The following DNAH11 variants were observed in gnomAD, a reference collection of about 807,000 sequenced individuals.
The protein encoded by DNAH11 is axonemal beta dynein heavy chain 11.
DNAH11 carries 442 observed loss-of-function variants against 526.0 expected under a neutral mutation model. The observed-to-expected ratio is 0.84, with a 90% CI of 0.78 to 0.91. The LOEUF is 0.91. Ranked by LOEUF, DNAH11 falls within the 40% of genes least tolerant of loss-of-function variation. DNAH11 has a pLI of 0.00. For synonymous variants in DNAH11, 2,461 were observed against 1,935.9 expected (o/e 1.27, Z -7.12); for missense variants, 6,989 against 5,448.7 (o/e 1.28, Z -8.90).
At chr7:21,855,830 A>G (rs755205725) in intron 68 of DNAH11, among the ~76,000 whole-genome samples, 15 of 152,202 alleles carry the variant, frequency 9.9e-5, no homozygotes, top group Non-Finnish European at 1.9e-4. Flanking sequence ...ACATATAGAT[A>G]TATATGTACA....
chr7:21,779,189 C>T lies in DNAH11; in HGVS notation c.9483+85C>T, dbSNP rs530388528. ...TAGGTGAACAATTTTGAACAACTTC[C>T]TCTCCAGGGAGCATAAAGTCTAAAG... is the stretch of plus-strand genomic sequence containing the variant. On this transcript the variant is annotated intron_variant, in intron 57 of 81. Coordinates refer to ENST00000409508, the MANE Select transcript of DNAH11 (RefSeq NM_001277115.2). 4.4e-4 allele frequency: 647 copies of T among 1,469,082 alleles called. 7 individuals carry two copies. The South Asian group carries it at 8.7e-3, about 20-fold the overall frequency. The allele number at this position is 1,469,082 out of a possible 1,614,324, so 91.0% of individuals were successfully genotyped here. A position where few individuals can be genotyped will look rare whatever the true frequency, so the allele number is the denominator to read the frequency against.
intron 76 of DNAH11, 124 bp downstream of exon 76, chr7:21,884,534 G>A: frequency 9.1e-7 from 1 of 1,099,152 alleles, no homozygotes; most frequent in Non-Finnish European, 1.2e-6. Context: ...GGCCTTTTGG[G>A]AAATTTCTTA....
At chr7:21,645,348 A>T (rs994597216) in intron 28 of DNAH11, among the ~76,000 whole-genome samples, 15 of 152,206 alleles carry the variant, frequency 9.9e-5, no homozygotes, top group Admixed American at 1.3e-4. Context: ...GAAAAGCTGG[A>T]TAAAATATTT....
intron 29 of DNAH11, among the ~76,000 whole-genome samples, chr7:21,657,478 G>A (rs1782063922): frequency 6.6e-6 from 1 of 152,140 alleles, no homozygotes; most frequent in African/African-American, 2.4e-5. Flanking sequence ...TGCCATTGTT[G>A]GCACAGTCAT....
chr7:21,698,752 T>C (rs1305771268), intron 36 of DNAH11, among the ~76,000 whole-genome samples: 1 of 151,996 alleles, frequency 6.6e-6, no homozygotes. Flanking sequence ...ATTTTTGCAA[T>C]TGCAAATTGT....
At chr7:21,870,808 C>G (rs1455036855) in intron 73 of DNAH11, among the ~76,000 whole-genome samples, 1 of 152,144 alleles carries the variant, frequency 6.6e-6, no homozygotes, top group Admixed American at 6.5e-5. Flanking sequence ...GTTGTTAGAG[C>G]TATGCCAGTA....
chr7:21,797,910 C>T (rs1788791037), intron 61 of DNAH11, among the ~76,000 whole-genome samples: 1 of 152,198 alleles, frequency 6.6e-6, no homozygotes, highest in Non-Finnish European at 1.5e-5. Flanking sequence ...TTACCATGTG[C>T]TTGCTGAATG....
At chr7:21,748,808 T>C (rs1401005831) in intron 52 of DNAH11, 66 bp downstream of exon 52, 8 of 1,511,282 alleles carry the variant, frequency 5.3e-6, no homozygotes, top group Non-Finnish European at 5.3e-6. Flanking sequence ...AGGCTCCTAG[T>C]GCGCCCGTGT....
intron 6 of DNAH11, among the ~76,000 whole-genome samples, chr7:21,565,689 C>G (rs192021910): frequency 1.3e-5 from 2 of 152,156 alleles, no homozygotes; most frequent in African/African-American, 2.4e-5. Flanking sequence ...CCTCAGTTCC[C>G]ACATCTATCA....
chr7:21,627,840 G>A (rs192338648), intron 25 of DNAH11, among the ~76,000 whole-genome samples: 45 of 152,252 alleles, frequency 3.0e-4, no homozygotes, highest in African/African-American at 1.0e-3. Flanking sequence ...GATAGAGATT[G>A]CATTGAATTT....
chr7:21,617,137 C>T (rs1158798665), intron 22 of DNAH11, among the ~76,000 whole-genome samples: 2 of 152,110 alleles, frequency 1.3e-5, no homozygotes, highest in Non-Finnish European at 2.9e-5. Context: ...CTGAGAGGAC[C>T]AGCCAAGTCA....
chr7:21,624,153 G>C (rs748637970), intron 25 of DNAH11, among the ~76,000 whole-genome samples: 6 of 151,994 alleles, frequency 3.9e-5, no homozygotes, highest in Non-Finnish European at 8.8e-5. Flanking sequence ...ACAATAGCAG[G>C]TAGTGTGAAC....
intron 30 of DNAH11, among the ~76,000 whole-genome samples, chr7:21,680,949 A>G (rs1267075030): frequency 1.3e-5 from 2 of 152,118 alleles, no homozygotes; most frequent in Non-Finnish European, 1.5e-5. Flanking sequence ...TTCCTTTCCA[A>G]CAATGTTATG....
At chr7:21,829,140 C>G (rs1261041735) in intron 65 of DNAH11, among the ~76,000 whole-genome samples, 1 of 152,142 alleles carries the variant, frequency 6.6e-6, no homozygotes, top group African/African-American at 2.4e-5. Flanking sequence ...CAAGTCTAAT[C>G]TAGAAGCTTT....
At chr7:21,888,929 A>C (rs1478276526) in intron 76 of DNAH11, among the ~76,000 whole-genome samples, 1 of 152,068 alleles carries the variant, frequency 6.6e-6, no homozygotes, top group Non-Finnish European at 1.5e-5. Flanking sequence ...ACCAATTTAA[A>C]TTATACAACT....
At chr7:21,737,066 G>A (rs1218128008) in intron 46 of DNAH11, among the ~76,000 whole-genome samples, 1 of 152,176 alleles carries the variant, frequency 6.6e-6, no homozygotes, top group African/African-American at 2.4e-5. Flanking sequence ...GCCTATTAGT[G>A]CGAGGAATAG....
intron 54 of DNAH11, 76 bp from the exon 55 acceptor site, chr7:21,765,352 A>T: frequency 6.3e-7 from 1 of 1,597,994 alleles, no homozygotes; most frequent in Non-Finnish European, 8.5e-7. Context: ...CCTTTCTCTC[A>T]TTGTCTAAGA....
chr7:21,564,367 G>C lies in DNAH11; in HGVS notation c.1164G>C (p.Leu388Phe). 1 of 1,612,964 alleles carries C rather than the reference G, an allele frequency of 6.2e-7. No homozygotes were observed. The highest frequency in any genetic ancestry group is 8.5e-7 in the Non-Finnish European group (1 of 1,179,530). ...CCCCAGCTCGGGTTATAGTTTTATT[G>C]CAAGAGTTTTGTAATCTCTTCATTA... The part of the protein sequence containing the change: ...YNTPARVIVL[L>F]QEFCNLFINQ... Residue 388 changes from leucine (L) to phenylalanine (F), a missense_variant, in exon 6 of 82, where the codon TTG becomes TTC. Leu to Phe is a conservative substitution (Grantham distance 22, BLOSUM62 0). Coordinates refer to ENST00000409508, the MANE Select transcript of DNAH11 (RefSeq NM_001277115.2).
intron 8 of DNAH11, among the ~76,000 whole-genome samples, chr7:21,575,368 C>A (rs1199931878): frequency 6.6e-6 from 1 of 152,144 alleles, no homozygotes; most frequent in East Asian, 1.9e-4. Flanking sequence ...GCCTTGTTCA[C>A]CATGATATCA....
Sources: allele counts gnomAD v4.1 joint callset (sites outside exome capture counted in the v4.1 genomes callset), GRCh38; gene constraint gnomAD v4.1.1; transcripts MANE v1.5; gene names NCBI Gene and HGNC (gene_info 2026-07-23, HGNC 2026-07-21).